Variants in PTK2 observed in about 807,000 individuals in gnomAD.
PTK2 encodes the protein protein tyrosine kinase 2, also known as focal adhesion kinase 1.
PTK2 carries 45 observed loss-of-function variants against 150.1 expected under a neutral mutation model. The observed-to-expected ratio is 0.30, with a 90% CI of 0.24 to 0.38. The LOEUF (loss-of-function observed/expected upper bound fraction) is 0.38. Among genes scored for constraint, PTK2 ranks in the 10% least tolerant of loss-of-function variants. The pLI is 1.00. For missense variants in PTK2, 919 were observed against 1,307.3 expected, an observed-to-expected ratio of 0.70 and a Z score of 4.58; for synonymous variants, 432 against 449.2, an observed-to-expected ratio of 0.96 and a Z score of 0.48.
chr8:140,661,114 C>T (rs1291005717), intron 31 of PTK2, among the ~76,000 whole-genome samples: 1 of 152,202 alleles, frequency 6.6e-6, no homozygotes, highest in Non-Finnish European at 1.5e-5. Flanking sequence ...TTGGCCTATA[C>T]TGTAAAAGTA....
intron 3 of PTK2, 189 bp downstream of exon 3, chr8:140,890,354 T>G (rs982701924): frequency 1.0e-5 from 5 of 494,858 alleles, no homozygotes; most frequent in Non-Finnish European, 1.4e-5. Context: ...TCTAAGAAAC[T>G]TTACAACAAT....
intron 7 of PTK2, among the ~76,000 whole-genome samples, chr8:140,838,266 C>T (rs1008656755): frequency 6.6e-5 from 10 of 152,108 alleles, no homozygotes; most frequent in Middle Eastern, 6.8e-3. Context: ...CTTTCTGTAC[C>T]GAAGAAATAT....
At chr8:140,717,773 A>G in intron 22 of PTK2, 64 bp from the exon 26 acceptor site, 1 of 1,285,762 alleles carries the variant, frequency 7.8e-7, no homozygotes, top group South Asian at 1.2e-5. Context: ...ACTAGACCCC[A>G]CCCTGAGTTA....
chr8:140,900,565 T>C (rs1454307625), intron 2 of PTK2, among the ~76,000 whole-genome samples: 2 of 151,744 alleles, frequency 1.3e-5, no homozygotes, highest in Non-Finnish European at 2.9e-5. Context: ...CTACTAAAAT[T>C]ACAAAAATTT....
At chr8:140,926,385 T>A (rs866213040) in intron 1 of PTK2, among the ~76,000 whole-genome samples, 2 of 152,156 alleles carry the variant, frequency 1.3e-5, no homozygotes, top group African/African-American at 4.8e-5. Context: ...TAGTATCACC[T>A]ACCTCCAGAT....
At chr8:140,900,459 T>C (rs765996077) in intron 2 of PTK2, among the ~76,000 whole-genome samples, 1 of 152,142 alleles carries the variant, frequency 6.6e-6, no homozygotes, top group Non-Finnish European at 1.5e-5. Flanking sequence ...TGGTGGCTCA[T>C]GCCTGTAATC....
chr8:140,965,069 T>C (rs1353475845), intron 1 of PTK2, among the ~76,000 whole-genome samples: 1 of 152,162 alleles, frequency 6.6e-6, no homozygotes, highest in African/African-American at 2.4e-5. Context: ...AGTGTCGGCC[T>C]GGGCATTAGG....
In PTK2 at chr8:140,810,327, G is replaced by A. The variant is rs539807728; in HGVS notation, c.868-6677C>T. Among the ~76,000 whole-genome samples, 59 of 152,312 alleles carry A rather than the reference G, an allele frequency of 3.9e-4. 1 individual carries two copies. The highest frequency in any genetic ancestry group is 1.4e-3 in the African/African-American group (57 of 41,562). On this transcript the variant is annotated intron_variant, in intron 10 of 31. Coordinates refer to ENST00000522684, the Ensembl canonical transcript of PTK2. ...CCCATAAGAGACTTTAGCCCTAGGG[G>A]AACTGTTGGACCTGAACTCTGCAGG...
At chr8:140,851,623 C>T (rs528507772) in intron 5 of PTK2, among the ~76,000 whole-genome samples, 2 of 152,056 alleles carry the variant, frequency 1.3e-5, no homozygotes, top group Non-Finnish European at 2.9e-5. Flanking sequence ...CTTTGGGAGG[C>T]CAAGGCAGGT....
intron 7 of PTK2, among the ~76,000 whole-genome samples, chr8:140,831,553 T>C (rs2100115411): frequency 6.6e-6 from 1 of 152,228 alleles, no homozygotes; most frequent in Admixed American, 6.5e-5. Context: ...AAATCCCTTA[T>C]TCTATAATCT....
intron 18 of PTK2, among the ~76,000 whole-genome samples, chr8:140,745,179 G>A (rs1253827851): frequency 6.6e-6 from 1 of 152,190 alleles, no homozygotes; most frequent in East Asian, 1.9e-4. Context: ...GCTCTGCGAA[G>A]GTATGAGGAT....
chr8:140,813,426 C>G (rs2154601283), intron 10 of PTK2, among the ~76,000 whole-genome samples: 1 of 150,256 alleles, frequency 6.7e-6, no homozygotes, highest in East Asian at 2.0e-4. Context: ...TGCAAAAGAA[C>G]TGAAATCATA....
chr8:140,696,280 A>C (rs925674702), intron 26 of PTK2, among the ~76,000 whole-genome samples: 7 of 152,256 alleles, frequency 4.6e-5, no homozygotes, highest in African/African-American at 1.7e-4. Context: ...AGAAAAATGA[A>C]GCAGGATAAA....
intron 1 of PTK2, among the ~76,000 whole-genome samples, chr8:140,999,384 T>C (rs1217329950): frequency 1.3e-5 from 2 of 152,248 alleles, no homozygotes; most frequent in Non-Finnish European, 2.9e-5. Context: ...CCTTGTAATA[T>C]TGATCTTGTT....
intron 22 of PTK2, among the ~76,000 whole-genome samples, chr8:140,733,500 G>A (rs1249389814): frequency 1.3e-5 from 2 of 152,174 alleles, no homozygotes; most frequent in African/African-American, 4.8e-5. Flanking sequence ...GAGGTAGAAA[G>A]AGATGCCAGG....
At chr8:140,837,939 G>C (rs1342749497) in intron 7 of PTK2, among the ~76,000 whole-genome samples, 1 of 151,844 alleles carries the variant, frequency 6.6e-6, no homozygotes, top group African/African-American at 2.4e-5. Flanking sequence ...GTGGGCACCT[G>C]CAATCCCAGC....
At chr8:140,914,603 T>C (rs1238554788) in intron 2 of PTK2, among the ~76,000 whole-genome samples, 5 of 151,960 alleles carry the variant, frequency 3.3e-5, no homozygotes, top group Admixed American at 2.6e-4. Context: ...TAAATCCCAG[T>C]GTCTGTTGTT....
chr8:140,800,562 C>G, exon 12 of PTK2: 8 of 1,613,370 alleles, frequency 5.0e-6, no homozygotes, highest in Non-Finnish European at 6.8e-6. Flanking sequence ...GGGATGGTGC[C>G]GTCACTGTCA....
chr8:140,863,423 C>T (rs1243593722), intron 5 of PTK2, among the ~76,000 whole-genome samples: 1 of 152,104 alleles, frequency 6.6e-6, no homozygotes, highest in Non-Finnish European at 1.5e-5. Flanking sequence ...TTTTAAATGG[C>T]TCCCAATATC....
Sources: gnomAD v4.1 joint callset for allele counts (sites outside exome capture counted in the v4.1 genomes callset) on GRCh38, gnomAD v4.1.1 for gene constraint, MANE v1.5 for transcripts, NCBI Gene and HGNC (gene_info 2026-07-23, HGNC 2026-07-21) for gene names.